Variants in ARB2A observed in about 807,000 individuals in gnomAD.
ARB2A encodes cotranscriptional regulator ARB2A.
chr5:93,714,616 G>C, the ARB2A span, among the ~76,000 whole-genome samples: 3 of 152,096 alleles, frequency 2.0e-5, no homozygotes, highest in Non-Finnish European at 4.4e-5. Flanking sequence ...TCCACACAGG[G>C]TGATTGTTTC....
the ARB2A span, among the ~76,000 whole-genome samples, chr5:94,090,455 T>C: frequency 1.3e-5 from 2 of 152,202 alleles, no homozygotes; most frequent in Non-Finnish European, 2.9e-5. Context: ...AAATATATAA[T>C]CATGTCATCT....
the ARB2A span, among the ~76,000 whole-genome samples, chr5:94,100,645 C>T: frequency 0.011 from 1,640 of 152,208 alleles, 24 homozygotes; most frequent in African/African-American, 0.037. Context: ...ACATCTACGA[C>T]CATCTAATCT....
At chr5:93,785,024 T>C in the ARB2A span, among the ~76,000 whole-genome samples, 100 of 152,354 alleles carry the variant, frequency 6.6e-4, 1 homozygote, top group African/African-American at 2.0e-3. Flanking sequence ...ATATTTTTCA[T>C]TCAAAGCCTA....
the ARB2A span, among the ~76,000 whole-genome samples, chr5:93,637,945 G>A: frequency 0.044 from 6,723 of 152,242 alleles, 302 homozygotes; most frequent in East Asian, 0.23. Flanking sequence ...TGCCATGTGG[G>A]TGGTTAACAT....
At chr5:94,005,165 T>C in the ARB2A span, among the ~76,000 whole-genome samples, 2 of 151,932 alleles carry the variant, frequency 1.3e-5, no homozygotes, top group African/African-American at 4.8e-5. Context: ...GAAGGTACAA[T>C]TTGGAAGACT....
chr5:93,699,711 G>A, the ARB2A span, among the ~76,000 whole-genome samples: 1 of 151,968 alleles, frequency 6.6e-6, no homozygotes, highest in African/African-American at 2.4e-5. Context: ...GGTTTCTGCT[G>A]CGACTGCCAG....
chr5:94,090,858 A>G, the ARB2A span, among the ~76,000 whole-genome samples: 2 of 152,228 alleles, frequency 1.3e-5, no homozygotes, highest in Non-Finnish European at 2.9e-5. Flanking sequence ...CCAGCCTTGC[A>G]TCCCATATCA....
At chr5:94,056,765 T>C in the ARB2A span, among the ~76,000 whole-genome samples, 7 of 152,138 alleles carry the variant, frequency 4.6e-5, no homozygotes, top group Non-Finnish European at 1.0e-4. Flanking sequence ...AGTCAAAAGG[T>C]AGAAGCACCC....
the ARB2A span, among the ~76,000 whole-genome samples, chr5:93,816,863 C>T: frequency 1.3e-5 from 2 of 152,052 alleles, no homozygotes; most frequent in Admixed American, 6.6e-5. Flanking sequence ...GATGAAATAC[C>T]GAACAATTTC....
chr5:93,956,084 A>G, the ARB2A span, among the ~76,000 whole-genome samples: 1 of 152,354 alleles, frequency 6.6e-6, no homozygotes, highest in Non-Finnish European at 1.5e-5. Context: ...CACCAAGAAT[A>G]TTAGCGATGG....
chr5:93,662,751 G>A, the ARB2A span, among the ~76,000 whole-genome samples: 1 of 152,170 alleles, frequency 6.6e-6, no homozygotes, highest in Non-Finnish European at 1.5e-5. Context: ...GGTAGATGGC[G>A]TTAAGCAAGG....
the ARB2A span, among the ~76,000 whole-genome samples, chr5:93,903,701 CTA>C: frequency 7.3e-6 from 1 of 136,970 alleles, no homozygotes; most frequent in Admixed American, 7.9e-5. Flanking sequence ...ATTGAAAATT[CTA>C]TATATCTGTG....
the ARB2A span, among the ~76,000 whole-genome samples, chr5:94,053,899 G>A: frequency 6.6e-6 from 1 of 152,144 alleles, no homozygotes. Flanking sequence ...CTTCCGAGTA[G>A]CTGGGACTAC....
the ARB2A span, among the ~76,000 whole-genome samples, chr5:93,857,452 C>T: frequency 6.6e-6 from 1 of 152,174 alleles, no homozygotes; most frequent in African/African-American, 2.4e-5. Flanking sequence ...TTCGAGCTTC[C>T]CGACTGTTTT....
chr5:93,922,676 G>C, the ARB2A span, among the ~76,000 whole-genome samples: 1 of 97,564 alleles, frequency 1.0e-5, no homozygotes, highest in Non-Finnish European at 2.1e-5. Context: ...GGGAGGGAGG[G>C]AGGGAGGGAG....
the ARB2A span, among the ~76,000 whole-genome samples, chr5:93,759,330 T>A: frequency 6.6e-6 from 1 of 152,086 alleles, no homozygotes; most frequent in South Asian, 2.1e-4. Context: ...AAGAAGAATT[T>A]GTACCAATCC....
At chr5:93,636,430 A>G in the ARB2A span, among the ~76,000 whole-genome samples, 1 of 152,200 alleles carries the variant, frequency 6.6e-6, no homozygotes, top group Non-Finnish European at 1.5e-5. Context: ...ATGAGGGTAG[A>G]AACCTCATGA....
At chr5:93,878,222 A>G in the ARB2A span, among the ~76,000 whole-genome samples, 1 of 149,528 alleles carries the variant, frequency 6.7e-6, no homozygotes, top group Admixed American at 6.7e-5. Flanking sequence ...CATATTTTAA[A>G]AAGTGGTAGT....
chr5:93,832,801 T>A, the ARB2A span, among the ~76,000 whole-genome samples: 1 of 152,162 alleles, frequency 6.6e-6, no homozygotes, highest in Non-Finnish European at 1.5e-5. Context: ...AGAGGACTCC[T>A]CAACAATCTT....
Sources: gnomAD v4.1 joint callset for allele counts (sites outside exome capture counted in the v4.1 genomes callset) on GRCh38, gnomAD v4.1.1 for gene constraint, MANE v1.5 for transcripts, NCBI Gene and HGNC (gene_info 2026-07-23, HGNC 2026-07-21) for gene names.